The following PTCH1 variants were observed in gnomAD, a reference collection of about 807,000 sequenced individuals.
PTCH1 encodes protein patched homolog 1.
A neutral mutation model predicts 144.6 loss-of-function variants in PTCH1; 14 were observed. That is an observed-to-expected ratio of 0.10 (90% CI 0.06 to 0.15). PTCH1 has a LOEUF of 0.15. Among genes scored for constraint, PTCH1 ranks in the 10% least tolerant of loss-of-function variants. The probability of loss-of-function intolerance (pLI) is 1.00; values close to 1 mark genes in which losing one functional copy is unlikely to be tolerated. For synonymous variants in PTCH1, 833 were observed against 793.6 expected (o/e 1.05, Z -0.83); for missense variants, 1,623 against 1,948.3 (o/e 0.83, Z 3.14).
intron 2 of PTCH1, among the ~76,000 whole-genome samples, chr9:95,498,686 T>C (rs997046925): frequency 7.2e-5 from 11 of 152,310 alleles, no homozygotes; most frequent in African/African-American, 2.6e-4. Context: ...CAGTGAGTAT[T>C]ATCATAAGCA....
intron 12 of PTCH1, among the ~76,000 whole-genome samples, chr9:95,475,398 A>G (rs1840936518): frequency 1.3e-5 from 2 of 151,980 alleles, no homozygotes; most frequent in African/African-American, 4.8e-5. Context: ...CTGAGAGGGG[A>G]GCAGGGGACC....
intron 2 of PTCH1, among the ~76,000 whole-genome samples, chr9:95,504,677 C>T (rs1267845395): frequency 6.6e-6 from 1 of 152,164 alleles, no homozygotes; most frequent in Non-Finnish European, 1.5e-5. Flanking sequence ...CTTCCAAACT[C>T]CTCAGCTGGG....
chr9:95,461,759 A>G (rs1262249301), intron 16 of PTCH1, 97 bp downstream of exon 16: 2 of 1,530,862 alleles, frequency 1.3e-6, no homozygotes, highest in Non-Finnish European at 1.8e-6. Context: ...AGGTCTCCAG[A>G]GAGCACAGGG....
intron 2 of PTCH1, among the ~76,000 whole-genome samples, chr9:95,505,425 GATAA>G (rs1843497965): frequency 2.0e-5 from 3 of 152,094 alleles, no homozygotes; most frequent in African/African-American, 4.8e-5. Context: ...TTGCCAAAAA[GATAA>G]ATAAGAAACC....
At chr9:95,514,932 C>T (rs1475181821) in intron 1 of PTCH1, among the ~76,000 whole-genome samples, 1 of 152,150 alleles carries the variant, frequency 6.6e-6, no homozygotes, top group Non-Finnish European at 1.5e-5. Context: ...CTTGATTCAA[C>T]ATTTTAATTG....
intron 5 of PTCH1, 38 bp downstream of exon 5, chr9:95,481,911 G>A: frequency 2.0e-6 from 3 of 1,503,288 alleles, no homozygotes; most frequent in Non-Finnish European, 2.8e-6. Context: ...GAGTCCTAGA[G>A]AAGTCACAGA....
chr9:95,463,032 G>A (rs1839658914), intron 15 of PTCH1, among the ~76,000 whole-genome samples: 1 of 90,190 alleles, frequency 1.1e-5, no homozygotes, highest in Non-Finnish European at 2.1e-5. Context: ...CACCTCCCAA[G>A]TAGAGCTCCC....
At position 95,478,986 on chromosome 9, in the gene PTCH1, G is replaced by A. The variant is rs367857273; in HGVS notation, c.1215+14C>T. 4.5e-5 allele frequency: 72 copies of A among 1,614,054 alleles called. No individual in the cohort carries two copies. The highest frequency in any genetic ancestry group is 2.2e-5 in the East Asian group (1 of 44,896). On this transcript the variant is annotated intron_variant, in intron 8 of 23. Transcript: ENST00000331920. ...AACCAGCGAGTCTGCACGCCGATTC[G>A]AAGGTGGGTTTACCTCCACATATGT...
At chr9:95,453,086 C>G (rs1220377724) in intron 20 of PTCH1, 7 of 331,798 alleles carry the variant, frequency 2.1e-5, no homozygotes, top group Non-Finnish European at 2.4e-5. Context: ...GTGCTGCAAT[C>G]TACCAGATAC....
rs1019419277 is a variant in PTCH1 at position 95,445,823 on chromosome 9, G to C, written c.*570C>G. 6.4e-6 allele frequency: 1 copy of C among 155,764 alleles called. No individual in the cohort carries two copies. The highest frequency in any genetic ancestry group is 2.4e-5 in the African/African-American group (1 of 41,426). 9.6% of individuals were successfully genotyped at this position (155,764 alleles called of 1,614,324 possible). ...ACCGCACACAACGACACCTAGAGAA[G>C]CCACCAGGATTAACGTGCTTTCTTC... On this transcript the variant is annotated 3_prime_UTR_variant, in exon 24 of 24. Coordinates refer to ENST00000331920, the MANE Select transcript of PTCH1 (RefSeq NM_000264.5).
At chr9:95,508,137 G>T in intron 1 of PTCH1, 24 bp downstream of exon 1, 1 of 1,612,032 alleles carries the variant, frequency 6.2e-7, no homozygotes, top group Non-Finnish European at 8.5e-7. Context: ...AAGAGAAAGT[G>T]GGAGGAGAGA....
At chr9:95,470,600 C>CA (rs1355045379) in intron 12 of PTCH1, among the ~76,000 whole-genome samples, 1 of 152,124 alleles carries the variant, frequency 6.6e-6, no homozygotes, top group African/African-American at 2.4e-5. Context: ...CTAAATTCTG[C>CA]AGTGCGTTGG....
intron 2 of PTCH1, among the ~76,000 whole-genome samples, chr9:95,489,992 T>C (rs993705110): frequency 1.3e-4 from 19 of 150,016 alleles, no homozygotes; most frequent in African/African-American, 4.4e-4. Flanking sequence ...TTAGTAGAGA[T>C]GGGGTTTCAC....
intron 14 of PTCH1, among the ~76,000 whole-genome samples, chr9:95,467,797 G>A (rs925328218): frequency 2.0e-5 from 3 of 152,112 alleles, no homozygotes; most frequent in African/African-American, 7.2e-5. Context: ...AGTAGAGACA[G>A]GGTTTCACCA....
At chr9:95,470,209 CCT>C (rs1301747257) in intron 12 of PTCH1, among the ~76,000 whole-genome samples, 1 of 152,152 alleles carries the variant, frequency 6.6e-6, no homozygotes, top group Admixed American at 6.5e-5. Flanking sequence ...TTGCTAGTAA[CCT>C]AACCAAACCA....
At chr9:95,482,407 G>T (rs1404956319) in intron 3 of PTCH1, 1 of 599,956 alleles carries the variant, frequency 1.7e-6, no homozygotes, top group East Asian at 2.8e-5. Context: ...AACATGTAGG[G>T]TGTTTATGTA....
chr9:95,492,862 T>A (rs958065038), intron 2 of PTCH1, among the ~76,000 whole-genome samples: 5 of 152,032 alleles, frequency 3.3e-5, no homozygotes, highest in Non-Finnish European at 5.9e-5. Context: ...TGGACAGGCC[T>A]CATTTTCCTT....
chr9:95,515,454 GTTC>G (rs889192661), intron 1 of PTCH1, among the ~76,000 whole-genome samples: 3 of 152,184 alleles, frequency 2.0e-5, no homozygotes, highest in African/African-American at 4.8e-5. Flanking sequence ...CACCCATATG[GTTC>G]TTCTTAGGTG....
rs1388481332 is a variant in PTCH1 at position 95,486,005 on chromosome 9, C to CAGTA, written c.395-135_395-132dup. On this transcript the variant is annotated intron_variant, in intron 2 of 23. Transcript: ENST00000331920. The stretch of plus-strand genomic sequence containing the variant: ...GTCATGAGACTGGCTGATGTGTGAG[C>CAGTA]AGTAACATTCACTTTATTAATGGCA... 5.2e-6 allele frequency: 5 copies of CAGTA among 963,188 alleles called. No homozygotes were observed. The African/African-American group carries it at 8.0e-5, about 15-fold the overall frequency. 59.7% of individuals were successfully genotyped at this position (963,188 alleles called of 1,614,324 possible).
Sources: allele counts gnomAD v4.1 joint callset (sites outside exome capture counted in the v4.1 genomes callset), GRCh38; gene constraint gnomAD v4.1.1; transcripts MANE v1.5; gene names NCBI Gene and HGNC (gene_info 2026-07-23, HGNC 2026-07-21).